SCHIP1: variants seen among roughly 807,000 people sequenced by gnomAD.
The protein encoded by SCHIP1 is schwannomin interacting protein 1, also known as schwannomin-interacting protein 1.
In SCHIP1, 8 loss-of-function variants were observed where a neutral mutation model predicts 29.7. That is an observed-to-expected ratio of 0.27 (90% CI 0.16 to 0.49). SCHIP1 has a LOEUF of 0.49. SCHIP1 is among the 20% of genes least tolerant of loss of function. The pLI, the probability that SCHIP1 is intolerant of heterozygous loss-of-function variation, is 0.99. For missense variants in SCHIP1, 193 were observed against 294.6 expected (o/e 0.66, Z 2.52); for synonymous variants, 76 against 94.9 (o/e 0.80, Z 1.16).
chr3:159,450,352 G>A, the SCHIP1 span, among the ~76,000 whole-genome samples: 13 of 152,164 alleles, frequency 8.5e-5, no homozygotes, highest in African/African-American at 2.9e-4. Context: ...CCTAACTCCA[G>A]AATGCCTTTG....
At chr3:159,436,217 T>C in the SCHIP1 span, among the ~76,000 whole-genome samples, 1 of 152,186 alleles carries the variant, frequency 6.6e-6, no homozygotes, top group Non-Finnish European at 1.5e-5. Flanking sequence ...AATCATTTAA[T>C]CATTTATCTT....
the SCHIP1 span, among the ~76,000 whole-genome samples, chr3:159,819,933 G>A: frequency 6.6e-6 from 1 of 152,300 alleles, no homozygotes; most frequent in Admixed American, 6.5e-5. Context: ...TTAGCCCCCA[G>A]CTCATTCCTG....
chr3:159,506,814 C>G, the SCHIP1 span, among the ~76,000 whole-genome samples: 6 of 152,114 alleles, frequency 3.9e-5, no homozygotes, highest in African/African-American at 1.2e-4. Context: ...CTGTTCTGTT[C>G]CATTGGTCTA....
chr3:159,418,250 G>A, the SCHIP1 span, among the ~76,000 whole-genome samples: 1 of 152,062 alleles, frequency 6.6e-6, no homozygotes, highest in Non-Finnish European at 1.5e-5. Flanking sequence ...CTGTTGACAG[G>A]CATTTAGGTT....
At chr3:159,573,543 T>A in the SCHIP1 span, among the ~76,000 whole-genome samples, 1 of 152,342 alleles carries the variant, frequency 6.6e-6, no homozygotes, top group Admixed American at 6.5e-5. Context: ...CCCTTAACAC[T>A]TTTTCCTTCA....
chr3:159,351,082 G>A, the SCHIP1 span, among the ~76,000 whole-genome samples: 1 of 152,120 alleles, frequency 6.6e-6, no homozygotes, highest in Non-Finnish European at 1.5e-5. Context: ...GCTCTTTAGA[G>A]ACCCAAGATT....
At chr3:159,617,105 G>A in the SCHIP1 span, among the ~76,000 whole-genome samples, 2 of 152,076 alleles carry the variant, frequency 1.3e-5, no homozygotes, top group Admixed American at 1.3e-4. Context: ...AATGTCATGT[G>A]GTCCCATCCA....
chr3:159,398,916 A>G, the SCHIP1 span: 1 of 970,952 alleles, frequency 1.0e-6, no homozygotes, highest in Non-Finnish European at 1.2e-6. Context: ...CAGATATACT[A>G]TACAGAACTT....
At chr3:159,562,251 T>C in the SCHIP1 span, among the ~76,000 whole-genome samples, 164 of 152,348 alleles carry the variant, frequency 1.1e-3, no homozygotes, top group African/African-American at 3.8e-3. Flanking sequence ...AATTCCACTT[T>C]CATTAAAGAA....
At chr3:159,485,902 A>C in the SCHIP1 span, among the ~76,000 whole-genome samples, 1 of 152,178 alleles carries the variant, frequency 6.6e-6, no homozygotes, top group African/African-American at 2.4e-5. Flanking sequence ...TTGGGCCAGT[A>C]AGCCTTCTTC....
At chr3:159,680,719 TG>T in the SCHIP1 span, among the ~76,000 whole-genome samples, 17 of 79,286 alleles carry the variant, frequency 2.1e-4, 2 homozygotes, top group East Asian at 2.7e-3. Context: ...ATATAATATA[TG>T]TATATATATA....
chr3:159,868,934 G>T (rs1714941121), intron 2 of SCHIP1, among the ~76,000 whole-genome samples: 1 of 152,000 alleles, frequency 6.6e-6, no homozygotes, highest in Non-Finnish European at 1.5e-5. Context: ...AGATCCTGTG[G>T]ATCCATAACG....
At chr3:159,693,473 A>G in the SCHIP1 span, among the ~76,000 whole-genome samples, 2 of 152,236 alleles carry the variant, frequency 1.3e-5, no homozygotes, top group African/African-American at 4.8e-5. Flanking sequence ...AGAAAGGATT[A>G]ATTGGATCCT....
the SCHIP1 span, among the ~76,000 whole-genome samples, chr3:159,713,402 C>T: frequency 2.0e-5 from 3 of 152,076 alleles, no homozygotes. Flanking sequence ...ATATGAAGCC[C>T]CAACCCCTCA....
Position 159,896,142 on chromosome 3 carries a change from A to T in SCHIP1, c.684-581A>T, listed in dbSNP as rs566750689. Among the ~76,000 whole-genome samples, 4 of 152,354 alleles carry T rather than the reference A, an allele frequency of 2.6e-5. 1 individual carries two copies. The South Asian group carries it at 8.3e-4, about 32-fold the overall frequency. ...CCATTTGTTAGACATTGGCTTTTGC[A>T]GGAGTGAATTAGATTTTTGGCTCCA... On this transcript the variant is annotated intron_variant, in intron 6 of 6. Transcript: ENST00000445224.
At chr3:159,849,787 T>C (rs1712335872) in intron 1 of SCHIP1, among the ~76,000 whole-genome samples, 3 of 152,220 alleles carry the variant, frequency 2.0e-5, no homozygotes, top group African/African-American at 7.2e-5. Context: ...TTTGAACATA[T>C]GTGAGTTCCA....
chr3:159,365,951 T>C, the SCHIP1 span, among the ~76,000 whole-genome samples: 5 of 152,170 alleles, frequency 3.3e-5, no homozygotes, highest in Non-Finnish European at 2.9e-5. Context: ...TAAATATTAA[T>C]GAAAATCAGT....
the SCHIP1 span, among the ~76,000 whole-genome samples, chr3:159,793,144 G>A: frequency 6.6e-6 from 1 of 152,080 alleles, no homozygotes; most frequent in Admixed American, 6.5e-5. Flanking sequence ...CCTTGAGTGC[G>A]TTTAACATGT....
the SCHIP1 span, among the ~76,000 whole-genome samples, chr3:159,293,885 G>A: frequency 6.6e-6 from 1 of 152,120 alleles, no homozygotes; most frequent in Non-Finnish European, 1.5e-5. Context: ...GAAAATTAAA[G>A]TAACATAGGG....
Sources: allele counts gnomAD v4.1 joint callset (sites outside exome capture counted in the v4.1 genomes callset), GRCh38; gene constraint gnomAD v4.1.1; transcripts MANE v1.5; gene names NCBI Gene and HGNC (gene_info 2026-07-23, HGNC 2026-07-21).